Variants in ANGPT2 observed in about 807,000 individuals in gnomAD.
ANGPT2 encodes the protein angiopoietin 2.
ANGPT2 carries 28 observed loss-of-function variants against 62.9 expected under a neutral mutation model. The ratio of observed to expected loss-of-function variants is 0.44; its 90% CI spans 0.33 to 0.61. The LOEUF (loss-of-function observed/expected upper bound fraction) is 0.61, where lower values mean the gene tolerates loss of function less well. Ranked by LOEUF, ANGPT2 falls within the 20% of genes least tolerant of loss-of-function variation. The pLI is 0.03. For missense variants in ANGPT2, 727 were observed against 594.9 expected (o/e 1.22, Z -2.31); for synonymous variants, 284 against 207.8 (o/e 1.37, Z -3.15).
At chr8:6,547,178 C>G (rs890501562) in intron 1 of ANGPT2, among the ~76,000 whole-genome samples, 3 of 151,970 alleles carry the variant, frequency 2.0e-5, no homozygotes, top group African/African-American at 4.8e-5. Context: ...CTCACTTGCT[C>G]TAAGGTGAAC....
chr8:6,546,825 G>C (rs1822664157), intron 1 of ANGPT2, among the ~76,000 whole-genome samples: 1 of 152,166 alleles, frequency 6.6e-6, no homozygotes. Flanking sequence ...TCTATGATTT[G>C]ATATGTTTAT....
intron 1 of ANGPT2, among the ~76,000 whole-genome samples, chr8:6,538,778 T>C (rs1450587060): frequency 6.6e-6 from 1 of 152,136 alleles, no homozygotes; most frequent in Non-Finnish European, 1.5e-5. Context: ...TGGTGAAGAG[T>C]GAACAGAATC....
chr8:6,544,738 C>T (rs1822241132), intron 1 of ANGPT2, among the ~76,000 whole-genome samples: 1 of 152,184 alleles, frequency 6.6e-6, no homozygotes, highest in African/African-American at 2.4e-5. Flanking sequence ...GATAAAGACA[C>T]AGATACAGCA....
chr8:6,511,660 T>A (rs985258945), intron 7 of ANGPT2, among the ~76,000 whole-genome samples: 2 of 152,200 alleles, frequency 1.3e-5, no homozygotes, highest in Admixed American at 6.5e-5. Flanking sequence ...CATCATGTTT[T>A]ATTAGGATAA....
At chr8:6,521,486 T>G in intron 3 of ANGPT2, 76 bp from the exon 4 acceptor site, 1 of 1,031,890 alleles carries the variant, frequency 9.7e-7, no homozygotes, top group Admixed American at 2.7e-5. Context: ...TTTCTACTTC[T>G]CCAAGGTACT....
intron 5 of ANGPT2, 77 bp from the exon 6 acceptor site, chr8:6,514,855 A>C (rs764745677): frequency 2.3e-6 from 3 of 1,278,840 alleles, no homozygotes; most frequent in Non-Finnish European, 3.4e-6. Context: ...GGAGGAATGT[A>C]GACCCTGAGT....
intron 7 of ANGPT2, among the ~76,000 whole-genome samples, chr8:6,513,327 T>C (rs140001678): frequency 0.093 from 14,049 of 151,872 alleles, 1,091 homozygotes; most frequent in African/African-American, 0.21. Context: ...TTTTTTCTTT[T>C]TCTTTTTCTT....
chr8:6,513,317 TTTTTTC>T (rs1375309641), intron 7 of ANGPT2, among the ~76,000 whole-genome samples: 1 of 151,998 alleles, frequency 6.6e-6, no homozygotes. Flanking sequence ...TTTTAATTTT[TTTTTTC>T]TTTTTCTTTT....
chr8:6,551,536 G>T (rs959861081), intron 1 of ANGPT2, among the ~76,000 whole-genome samples: 2 of 152,154 alleles, frequency 1.3e-5, no homozygotes, highest in African/African-American at 2.4e-5. Context: ...TGTTTGAGGG[G>T]CTGGTGTTCT....
At chr8:6,531,458 T>G (rs1819498794) in intron 2 of ANGPT2, among the ~76,000 whole-genome samples, 1 of 151,896 alleles carries the variant, frequency 6.6e-6, no homozygotes, top group South Asian at 2.1e-4. Flanking sequence ...CTGGCTAATT[T>G]GTTTGTATTT....
chr8:6,532,940 T>G (rs1392543696), intron 1 of ANGPT2, among the ~76,000 whole-genome samples: 4 of 152,240 alleles, frequency 2.6e-5, no homozygotes, highest in Admixed American at 2.0e-4. Context: ...TTTCTCCACA[T>G]AGACTTGAGA....
At chr8:6,516,126 G>A (rs1014321308) in intron 5 of ANGPT2, among the ~76,000 whole-genome samples, 2 of 152,144 alleles carry the variant, frequency 1.3e-5, no homozygotes, top group Non-Finnish European at 2.9e-5. Context: ...ATTAATGAAA[G>A]TTACATTTAT....
intron 2 of ANGPT2, among the ~76,000 whole-genome samples, chr8:6,531,020 A>G (rs2515476): frequency 0.19 from 28,209 of 152,028 alleles, 3,274 homozygotes; most frequent in African/African-American, 0.33. Flanking sequence ...AGTATTCCTT[A>G]TAGCCCAGAG....
chr8:6,556,346 A>G (rs2922890), intron 1 of ANGPT2, among the ~76,000 whole-genome samples: 20,010 of 152,066 alleles, frequency 0.13, 3,611 homozygotes, highest in African/African-American at 0.41. Context: ...TGCAGTATCT[A>G]TATATTACTT....
At chr8:6,552,400 T>TAC (rs1415348185) in intron 1 of ANGPT2, among the ~76,000 whole-genome samples, 2 of 152,222 alleles carry the variant, frequency 1.3e-5, no homozygotes, top group Middle Eastern at 3.2e-3. Flanking sequence ...ACAGACATTT[T>TAC]ACACACACAC....
chr8:6,546,373 T>C lies in ANGPT2; in HGVS notation c.289-13886A>G, dbSNP rs902865016. ...CTCTGTAAAGCTAGGTTTTTGGTGGTTGCTGTTTGTGAAAAGCAAGTGCTA... is the reference window on the plus strand; with the variant it reads ...CTCTGTAAAGCTAGGTTTTTGGTGGCTGCTGTTTGTGAAAAGCAAGTGCTA... On this transcript the variant is annotated intron_variant, in intron 1 of 8. Transcript: ENST00000629816. Among the ~76,000 whole-genome samples, 5 of 152,192 alleles carry C rather than the reference T, an allele frequency of 3.3e-5. No individual in the cohort carries two copies. The South Asian group carries it at 1.0e-3, about 32-fold the overall frequency.
At chr8:6,516,355 A>G (rs769492359) in intron 5 of ANGPT2, among the ~76,000 whole-genome samples, 1 of 152,192 alleles carries the variant, frequency 6.6e-6, no homozygotes, top group Admixed American at 6.5e-5. Flanking sequence ...GAAAGGAGAA[A>G]AGATTTAGCA....
chr8:6,507,177 C>T (rs1055965102), intron 8 of ANGPT2, among the ~76,000 whole-genome samples: 2 of 152,316 alleles, frequency 1.3e-5, no homozygotes, highest in East Asian at 1.9e-4. Flanking sequence ...GGATTACAAG[C>T]GGGGGCCACC....
At chr8:6,521,983 T>G (rs991580578) in intron 3 of ANGPT2, among the ~76,000 whole-genome samples, 16 of 152,184 alleles carry the variant, frequency 1.1e-4, no homozygotes, top group Non-Finnish European at 1.9e-4. Context: ...AGTCACCCTA[T>G]GCGTTAATGT....
Sources: gnomAD v4.1 joint callset for allele counts (sites outside exome capture counted in the v4.1 genomes callset) on GRCh38, gnomAD v4.1.1 for gene constraint, MANE v1.5 for transcripts, NCBI Gene and HGNC (gene_info 2026-07-23, HGNC 2026-07-21) for gene names.